The following OSBPL3 variants were observed in gnomAD, a reference collection of about 807,000 sequenced individuals.
OSBPL3 encodes the protein oxysterol-binding protein-related protein 3.
OSBPL3 carries 65 observed loss-of-function variants against 120.1 expected under a neutral mutation model. That is an observed-to-expected ratio of 0.54 (90% CI 0.44 to 0.67). OSBPL3 has a LOEUF of 0.67. Among genes scored for constraint, OSBPL3 ranks in the 30% least tolerant of loss-of-function variants. The pLI is 0.00. For missense variants in OSBPL3, 1,004 were observed against 1,082.1 expected (o/e 0.93, Z 1.01); for synonymous variants, 416 against 402.6 (o/e 1.03, Z -0.40).
At chr7:24,895,542 G>A (rs1806016781) in intron 1 of OSBPL3, among the ~76,000 whole-genome samples, 1 of 152,210 alleles carries the variant, frequency 6.6e-6, no homozygotes, top group African/African-American at 2.4e-5. Flanking sequence ...AAACAGGGAA[G>A]AATAAAGAAA....
intron 1 of OSBPL3, among the ~76,000 whole-genome samples, chr7:24,960,930 G>C (rs1815658076): frequency 6.6e-6 from 1 of 152,176 alleles, no homozygotes; most frequent in African/African-American, 2.4e-5. Context: ...CCACCTTCGG[G>C]AAGTGGTTCT....
chr7:24,805,793 T>C lies in OSBPL3; in HGVS notation c.2444+983A>G, dbSNP rs538051327. On this transcript the variant is annotated intron_variant, in intron 21 of 22. Transcript: ENST00000313367. This position sits in a 1 kb window ranked among gnomAD's most constrained non-coding sequence, Gnocchi z 4.0. ...ACAACAGTGTTCAATCCCTGCAAAA[T>C]GAATTTACCTCCCTATGTCCATTTT... Among the ~76,000 whole-genome samples the C allele has an allele frequency of 6.6e-6, 1 of 152,322 alleles. No individual in the cohort carries two copies. Among genetic ancestry groups the C allele is most frequent in the Admixed American group, 6.5e-5 (1 of 15,304 alleles).
intron 1 of OSBPL3, among the ~76,000 whole-genome samples, chr7:24,897,405 A>G (rs1197486151): frequency 7.0e-6 from 1 of 142,872 alleles, no homozygotes; most frequent in Admixed American, 7.4e-5. Context: ...GGCTCACTGC[A>G]AGCTCCGCCT....
chr7:24,917,921 T>C (rs1809913968), intron 1 of OSBPL3: 1 of 183,750 alleles, frequency 5.4e-6, no homozygotes, highest in African/African-American at 2.4e-5. Context: ...CCAAATCTAT[T>C]TGATAATGGA....
chr7:24,906,888 C>T (rs1363968252), intron 1 of OSBPL3, among the ~76,000 whole-genome samples: 2 of 152,248 alleles, frequency 1.3e-5, no homozygotes, highest in Admixed American at 6.5e-5. Flanking sequence ...CTGCTCCCTA[C>T]CCCCACACTC....
rs1252880277 is a variant in OSBPL3, at chr7:24,866,127, T to C, written c.492A>G (p.Ser164=). ...MFPHEVNHFF[S]GSTITDSSSG... is the part of the protein sequence containing the mutation. ...ATGAAGAGTCTGTGATGGTGGACCC[T>C]GAGAAAAAGTGGTTAACTTCATGTG... Residue 164 remains serine, a synonymous_variant, in exon 6 of 23, where the codon TCA becomes TCG. Coordinates refer to ENST00000313367, the MANE Select transcript of OSBPL3 (RefSeq NM_015550.4). 3 of 1,613,406 alleles carry C rather than the reference T, an allele frequency of 1.9e-6. No individual in the cohort carries two copies. Among genetic ancestry groups the C allele is most frequent in the Non-Finnish European group, 1.7e-6 (2 of 1,179,330 alleles).
intron 1 of OSBPL3, among the ~76,000 whole-genome samples, chr7:24,961,626 C>T (rs535225201): frequency 6.6e-5 from 10 of 152,258 alleles, no homozygotes; most frequent in African/African-American, 2.2e-4. Flanking sequence ...TCACCAGACA[C>T]CAGATCTGCT....
At chr7:24,814,733 A>G (rs1409321967) in intron 19 of OSBPL3, among the ~76,000 whole-genome samples, 1 of 152,194 alleles carries the variant, frequency 6.6e-6, no homozygotes, top group Non-Finnish European at 1.5e-5. Flanking sequence ...AAGTGGAATC[A>G]TGTAATATTC....
Position 24,797,319 on chromosome 7 carries a change from G to C in OSBPL3, c.*2864C>G, listed in dbSNP as rs1584139976. On this transcript the variant is annotated 3_prime_UTR_variant, in exon 23 of 23. Coordinates refer to ENST00000313367, the MANE Select transcript of OSBPL3 (RefSeq NM_015550.4). This position sits in a 1 kb window ranked among gnomAD's most constrained non-coding sequence, Gnocchi z 4.8. Reference sequence around the variant, plus strand: ...GACGTAAACATTAAAAAATATATTAGTTTGTATATTTCCCCCAGGAAGTCT... The same window carrying C: ...GACGTAAACATTAAAAAATATATTACTTTGTATATTTCCCCCAGGAAGTCT... 6.6e-6 allele frequency: 1 copy of C among 152,152 alleles called. No individual in the cohort carries two copies. Among genetic ancestry groups the C allele is most frequent in the Non-Finnish European group, 1.5e-5 (1 of 68,012 alleles). The allele number at this position is 152,152 out of a possible 1,614,324, so 9.4% of individuals were successfully genotyped here.
At chr7:24,917,287 A>G (rs966770831) in intron 1 of OSBPL3, among the ~76,000 whole-genome samples, 1 of 151,638 alleles carries the variant, frequency 6.6e-6, no homozygotes, top group Non-Finnish European at 1.5e-5. Context: ...AGTTCACTAT[A>G]TCAAGGATTA....
At position 24,980,103 on chromosome 7, in the gene OSBPL3, A is replaced by C; in HGVS notation, c.-367T>G. ...GCTGCGCACCGGCCGCGAAGCGCTC[A>C]AGTCCCCTCTCCCGGGCCGGCTGGC... On this transcript the variant is annotated 5_prime_UTR_variant, in exon 1 of 23. Transcript: ENST00000313367. The C allele has an allele frequency of 1.0e-6, 1 of 966,164 alleles. No individual in the cohort carries two copies. Among genetic ancestry groups the C allele is most frequent in the South Asian group, 4.8e-5 (1 of 20,870 alleles). The allele number at this position is 966,164 out of a possible 1,614,324, so 59.8% of individuals were successfully genotyped here.
rs1035986617 is a variant in OSBPL3 at position 24,852,029 on chromosome 7, T to C, written c.1158+475A>G. Among the ~76,000 whole-genome samples, 7 of 152,224 alleles carry C rather than the reference T, an allele frequency of 4.6e-5. No homozygotes were observed. Among genetic ancestry groups the C allele is most frequent in the African/African-American group, 1.7e-4 (7 of 41,448 alleles). ...TCAAACAAAATAGCTCTCATGTCTTTGAAAGAGTGGTAAACAGGATCAGTG... is the reference window on the plus strand; with the variant it reads ...TCAAACAAAATAGCTCTCATGTCTTCGAAAGAGTGGTAAACAGGATCAGTG... On this transcript the variant is annotated intron_variant, in intron 11 of 22. Coordinates refer to ENST00000313367, the MANE Select transcript of OSBPL3 (RefSeq NM_015550.4). This position sits in a 1 kb window ranked among gnomAD's most constrained non-coding sequence, Gnocchi z 4.1.
intron 1 of OSBPL3, among the ~76,000 whole-genome samples, chr7:24,926,617 T>C (rs758597481): frequency 2.4e-4 from 36 of 152,212 alleles, no homozygotes; most frequent in Non-Finnish European, 2.9e-4. Flanking sequence ...CCACCCTTAC[T>C]GTGGGCACAG....
Position 24,806,868 on chromosome 7 carries a change from G to A in OSBPL3, c.2352C>T (p.Ser784=). The A allele has an allele frequency of 1.2e-6, 2 of 1,613,678 alleles. No homozygotes were observed. The highest frequency in any genetic ancestry group is 1.7e-6 in the Non-Finnish European group (2 of 1,179,642). ...PMPKGYEQYY[S]FTQFALELNE... Reference sequence around the variant, plus strand: ...TTAATTCCAGCGCAAACTGTGTGAAGCTATAGTATTGCTCGTAGCCTTTCG... The same window carrying A: ...TTAATTCCAGCGCAAACTGTGTGAAACTATAGTATTGCTCGTAGCCTTTCG... The change falls in exon 21 of 23, where the codon AGC becomes AGT. Residue 784 remains serine (S), a synonymous_variant. Transcript: ENST00000313367. The surrounding 1 kb of genome is among the most constrained non-coding windows in gnomAD (Gnocchi z 5.2).
At chr7:24,847,570 T>G (rs1219564433) in intron 12 of OSBPL3, among the ~76,000 whole-genome samples, 2 of 152,254 alleles carry the variant, frequency 1.3e-5, no homozygotes, top group African/African-American at 4.8e-5. Context: ...TTTAAAAGAC[T>G]TGTGATTTTG....
chr7:24,966,446 T>G lies in OSBPL3; in HGVS notation c.-150+13440A>C, dbSNP rs1440018549. Among the ~76,000 whole-genome samples the G allele has an allele frequency of 6.6e-6, 1 of 152,118 alleles. No homozygotes were observed. The highest frequency in any genetic ancestry group is 1.5e-5 in the Non-Finnish European group (1 of 68,008). ...AGGCCCTTAATCAAGGAACAAATGA[T>G]GCAGAACTCAAAGTAACAAACAAGC... is the stretch of plus-strand genomic sequence containing the variant. On this transcript the variant is annotated intron_variant, in intron 1 of 22. Coordinates refer to ENST00000313367, the MANE Select transcript of OSBPL3 (RefSeq NM_015550.4). This position sits in a 1 kb window ranked among gnomAD's most constrained non-coding sequence, Gnocchi z 4.8.
chr7:24,949,050 C>T (rs572053742), intron 1 of OSBPL3, among the ~76,000 whole-genome samples: 3 of 152,262 alleles, frequency 2.0e-5, no homozygotes, highest in East Asian at 3.9e-4. Flanking sequence ...TCACACCAGG[C>T]GTATCTCACC....
At chr7:24,905,507 G>C (rs1807765595) in intron 1 of OSBPL3, among the ~76,000 whole-genome samples, 1 of 152,170 alleles carries the variant, frequency 6.6e-6, no homozygotes, top group African/African-American at 2.4e-5. Flanking sequence ...TTTCTGAAAA[G>C]TCTAGATCAA....
intron 19 of OSBPL3, among the ~76,000 whole-genome samples, chr7:24,811,049 T>A (rs888519638): frequency 2.0e-5 from 3 of 152,234 alleles, no homozygotes; most frequent in Non-Finnish European, 1.5e-5. Flanking sequence ...CACCCAGTAG[T>A]GGGATTGGCA....
Sources: gnomAD v4.1 joint callset for allele counts (sites outside exome capture counted in the v4.1 genomes callset) on GRCh38, gnomAD v4.1.1 for gene constraint, Gnocchi (gnomAD v3.1) non-coding constraint, MANE v1.5 for transcripts, NCBI Gene and HGNC (gene_info 2026-07-23, HGNC 2026-07-21) for gene names.